The following OSBPL1A variants were observed in gnomAD, a reference collection of about 807,000 sequenced individuals.
The protein encoded by OSBPL1A is oxysterol-binding protein-related protein 1.
A neutral mutation model predicts 137.1 loss-of-function variants in OSBPL1A; 80 were observed. The observed-to-expected ratio is 0.58, with a 90% CI of 0.49 to 0.70. OSBPL1A has a LOEUF of 0.70. OSBPL1A is among the 30% of genes least tolerant of loss of function. The pLI is 0.00. For missense variants in OSBPL1A, 970 were observed against 1,129.4 expected (o/e 0.86, Z 2.02); for synonymous variants, 365 against 389.7 (o/e 0.94, Z 0.75).
intron 27 of OSBPL1A, 21 bp downstream of exon 27, chr18:24,165,044 C>G: frequency 1.2e-6 from 2 of 1,612,856 alleles, no homozygotes; most frequent in Non-Finnish European, 1.7e-6. Flanking sequence ...CTCAGCCACA[C>G]CCCCTGACTC....
In OSBPL1A at chr18:24,179,719, T is replaced by C. The variant is rs760916965; in HGVS notation, c.1910+19A>G. ...TTCATCTGCAACGCTGTATAAAGCA[T>C]GCAAGTGAAAGGCCTCACCGCACTA... On this transcript the variant is annotated intron_variant, in intron 20 of 27. Coordinates refer to ENST00000319481, the MANE Select transcript of OSBPL1A (RefSeq NM_080597.4). The C allele has an allele frequency of 2.5e-6, 4 of 1,599,250 alleles. No individual in the cohort carries two copies. The highest frequency in any genetic ancestry group is 1.7e-5 in the Admixed American group (1 of 59,986).
intron 17 of OSBPL1A, among the ~76,000 whole-genome samples, chr18:24,208,961 G>T (rs112558073): frequency 3.9e-5 from 6 of 152,216 alleles, no homozygotes; most frequent in African/African-American, 1.4e-4. Flanking sequence ...CACACCACTG[G>T]TGATACACCA....
intron 1 of OSBPL1A, among the ~76,000 whole-genome samples, chr18:24,390,988 T>A (rs1469495943): frequency 6.6e-6 from 1 of 152,008 alleles, no homozygotes; most frequent in Non-Finnish European, 1.5e-5. Flanking sequence ...TAGTCCCAGC[T>A]ACTGGGGAGA....
chr18:24,199,082 C>A (rs2087131832), intron 17 of OSBPL1A, among the ~76,000 whole-genome samples: 1 of 152,026 alleles, frequency 6.6e-6, no homozygotes, highest in African/African-American at 2.4e-5. Context: ...TGGTCTCGAA[C>A]TCCTTACATG....
chr18:24,173,557 C>T (rs1407393271), intron 21 of OSBPL1A, among the ~76,000 whole-genome samples: 1 of 152,120 alleles, frequency 6.6e-6, no homozygotes, highest in African/African-American at 2.4e-5. Context: ...GGACTACAGG[C>T]ACGTGCCACC....
At chr18:24,341,760 A>G in intron 4 of OSBPL1A, 102 bp from the exon 5 acceptor site, 1 of 665,564 alleles carries the variant, frequency 1.5e-6, no homozygotes, top group East Asian at 2.8e-5. Flanking sequence ...ACAATAGAAA[A>G]AAGCACCAGG....
intron 4 of OSBPL1A, among the ~76,000 whole-genome samples, chr18:24,362,807 A>T (rs544821838): frequency 4.6e-5 from 7 of 152,372 alleles, no homozygotes; most frequent in African/African-American, 1.7e-4. Context: ...AAGCTGGACA[A>T]AATTGTCAAA....
intron 16 of OSBPL1A, among the ~76,000 whole-genome samples, chr18:24,230,968 C>T (rs537339802): frequency 1.3e-4 from 20 of 152,258 alleles, no homozygotes; most frequent in African/African-American, 3.6e-4. Flanking sequence ...GGGAAACCAT[C>T]AAGCCACGTG....
chr18:24,303,798 A>T (rs916505407), intron 13 of OSBPL1A, 80 bp from the exon 14 acceptor site: 7 of 1,163,784 alleles, frequency 6.0e-6, no homozygotes, highest in African/African-American at 1.5e-5. Context: ...TTCTATCAAA[A>T]CTTTCAGTAC....
At chr18:24,331,798 T>C (rs1329712283) in intron 7 of OSBPL1A, among the ~76,000 whole-genome samples, 1 of 152,226 alleles carries the variant, frequency 6.6e-6, no homozygotes, top group East Asian at 1.9e-4. Context: ...ATCCTCATTA[T>C]ATACGTATTC....
intron 15 of OSBPL1A, among the ~76,000 whole-genome samples, chr18:24,254,794 A>T (rs2089221034): frequency 1.3e-5 from 2 of 152,168 alleles, no homozygotes; most frequent in South Asian, 4.1e-4. Context: ...AGAGCAAAAC[A>T]AATCAGTTGA....
chr18:24,374,376 G>T (rs1905920856), intron 2 of OSBPL1A, among the ~76,000 whole-genome samples: 1 of 152,102 alleles, frequency 6.6e-6, no homozygotes, highest in Non-Finnish European at 1.5e-5. Flanking sequence ...GCCCTTTCTG[G>T]GACTGAGGAA....
intron 7 of OSBPL1A, 77 bp downstream of exon 7, chr18:24,332,865 C>A: frequency 6.5e-7 from 1 of 1,543,548 alleles, no homozygotes; most frequent in Admixed American, 1.8e-5. Context: ...GATACTGAAA[C>A]AAAACAATTT....
intron 4 of OSBPL1A, among the ~76,000 whole-genome samples, chr18:24,363,880 C>T (rs900005344): frequency 6.6e-6 from 1 of 151,850 alleles, no homozygotes; most frequent in Non-Finnish European, 1.5e-5. Context: ...TCAAGTGATC[C>T]TTCCACCTTG....
intron 17 of OSBPL1A, among the ~76,000 whole-genome samples, chr18:24,222,415 A>G (rs2087921978): frequency 6.6e-6 from 1 of 152,156 alleles, no homozygotes; most frequent in Non-Finnish European, 1.5e-5. Context: ...TACCAAATAT[A>G]ATAAGTTGGG....
intron 4 of OSBPL1A, chr18:24,357,290 G>A (rs753067628): frequency 6.6e-6 from 1 of 152,202 alleles, no homozygotes; most frequent in Non-Finnish European, 1.5e-5. Context: ...AGATAGTCAT[G>A]CCTTTGTCTG....
intron 11 of OSBPL1A, among the ~76,000 whole-genome samples, chr18:24,314,882 T>C (rs1416563890): frequency 6.6e-6 from 1 of 152,182 alleles, no homozygotes; most frequent in Non-Finnish European, 1.5e-5. Flanking sequence ...AAATCAGACC[T>C]TGGCGATGAC....
intron 16 of OSBPL1A, among the ~76,000 whole-genome samples, chr18:24,236,100 T>C (rs1179887889): frequency 1.3e-5 from 2 of 152,216 alleles, no homozygotes; most frequent in Admixed American, 6.5e-5. Context: ...CACCTTGATG[T>C]TGGAACTTCT....
chr18:24,297,285 G>T (rs1015009177), intron 14 of OSBPL1A, among the ~76,000 whole-genome samples: 27 of 151,988 alleles, frequency 1.8e-4, no homozygotes, highest in African/African-American at 6.3e-4. Flanking sequence ...GCATGTAAAG[G>T]TTTTCATAAT....
Sources: allele counts gnomAD v4.1 joint callset (sites outside exome capture counted in the v4.1 genomes callset), GRCh38; gene constraint gnomAD v4.1.1; transcripts MANE v1.5; gene names NCBI Gene and HGNC (gene_info 2026-07-23, HGNC 2026-07-21).